ADARB2: variants seen among roughly 807,000 people sequenced by gnomAD.
ADARB2 encodes adenosine deaminase RNA specific B2 (inactive).
In ADARB2, 25 loss-of-function variants were observed where a neutral mutation model predicts 62.2. That is an observed-to-expected ratio of 0.40 (90% CI 0.29 to 0.56). The LOEUF (loss-of-function observed/expected upper bound fraction) is 0.56. ADARB2 is among the 20% of genes least tolerant of loss of function. The probability of loss-of-function intolerance (pLI) is 0.43; values close to 1 mark genes in which losing one functional copy is unlikely to be tolerated. For synonymous variants in ADARB2, 572 were observed against 500.8 expected, an observed-to-expected ratio of 1.14 and a Z score of -1.90; for missense variants, 1,071 against 1,077.4, an observed-to-expected ratio of 0.99 and a Z score of 0.08.
chr10:1,345,522 C>T (rs1009474584), intron 3 of ADARB2, among the ~76,000 whole-genome samples: 1 of 152,170 alleles, frequency 6.6e-6, no homozygotes, highest in African/African-American at 2.4e-5. Context: ...GCTCAACTGA[C>T]CCCATGTCCT....
intron 8 of ADARB2, among the ~76,000 whole-genome samples, chr10:1,198,251 A>C (rs1387890240): frequency 2.0e-5 from 3 of 152,204 alleles, no homozygotes; most frequent in African/African-American, 7.2e-5. Flanking sequence ...ATTTAGCCAT[A>C]TCTAAATTGC....
chr10:1,407,603 C>G (rs1359358672), intron 1 of ADARB2, among the ~76,000 whole-genome samples: 1 of 152,194 alleles, frequency 6.6e-6, no homozygotes, highest in East Asian at 1.9e-4. Flanking sequence ...GCCCAGGAGT[C>G]CCGGCTGCCC....
At chr10:1,576,466 C>T (rs571262475) in intron 1 of ADARB2, among the ~76,000 whole-genome samples, 4 of 152,236 alleles carry the variant, frequency 2.6e-5, no homozygotes, top group African/African-American at 9.6e-5. Flanking sequence ...GGACTTCCTG[C>T]AAATACGGTA....
intron 4 of ADARB2, among the ~76,000 whole-genome samples, chr10:1,270,691 G>A (rs906611029): frequency 6.6e-6 from 1 of 152,204 alleles, no homozygotes. Flanking sequence ...TGGGTCCTCC[G>A]GAAGGGGCTG....
chr10:1,348,608 A>C (rs1589200363), intron 3 of ADARB2, among the ~76,000 whole-genome samples: 1 of 148,576 alleles, frequency 6.7e-6, no homozygotes, highest in Non-Finnish European at 1.5e-5. Flanking sequence ...TCCTCCTCCC[A>C]CCCCCTCTGC....
At chr10:1,262,280 CTT>C (rs1261256084) in intron 4 of ADARB2, among the ~76,000 whole-genome samples, 3 of 74,284 alleles carry the variant, frequency 4.0e-5, no homozygotes, top group Non-Finnish European at 8.2e-5. Flanking sequence ...TACCCTAAAA[CTT>C]AAAGTATAAT....
At position 1,184,964 on chromosome 10, in the gene ADARB2, T is replaced by C. The variant is rs773601670; in HGVS notation, c.1940A>G (p.Asp647Gly). ...FSMNWVVGSA[D>G]LEIINATTGR... ...AGTGGTGGCGTTGATAATCTCCAGG[T>C]CCGCGCTGCCCACGACCCAGTTCAT... Residue 647 changes from aspartate to glycine, a missense_variant, in exon 9 of 10, where the codon GAC (aspartate) becomes GGC (glycine). By Grantham distance (94) the Asp-to-Gly change is moderately conservative (BLOSUM62 -1). Coordinates refer to ENST00000381312, the MANE Select transcript of ADARB2 (RefSeq NM_018702.4). 3 of 1,613,710 alleles carry C rather than the reference T, an allele frequency of 1.9e-6. No individual in the cohort carries two copies. Among genetic ancestry groups the C allele is most frequent in the Admixed American group, 3.3e-5 (2 of 60,000 alleles).
chr10:1,579,526 C>T (rs1173635579), intron 1 of ADARB2, among the ~76,000 whole-genome samples: 1 of 152,142 alleles, frequency 6.6e-6, no homozygotes, highest in Non-Finnish European at 1.5e-5. Flanking sequence ...AAAGCGATCC[C>T]TTTCTGATTT....
At chr10:1,283,689 G>A (rs1198254990) in intron 3 of ADARB2, among the ~76,000 whole-genome samples, 1 of 152,210 alleles carries the variant, frequency 6.6e-6, no homozygotes, top group African/African-American at 2.4e-5. Context: ...GCAGTGGAGT[G>A]TTGTCCATCA....
At chr10:1,276,300 G>A (rs564686183) in intron 3 of ADARB2, among the ~76,000 whole-genome samples, 2 of 152,258 alleles carry the variant, frequency 1.3e-5, no homozygotes, top group African/African-American at 4.8e-5. Flanking sequence ...CTGCATAAAT[G>A]TCTTCTTTTG....
intron 1 of ADARB2, among the ~76,000 whole-genome samples, chr10:1,712,305 A>G (rs1035288969): frequency 6.6e-6 from 1 of 152,224 alleles, no homozygotes; most frequent in Non-Finnish European, 1.5e-5. Context: ...GCAACAGTTT[A>G]TTATGTAAAA....
In ADARB2 at chr10:1,421,825, C is replaced by T. The variant is rs77232307; in HGVS notation, c.101-42665G>A. Among the ~76,000 whole-genome samples the T allele has an allele frequency of 1.5e-3, 230 of 152,306 alleles. 5 individuals carry two copies. The East Asian group carries it at 0.021, about 14-fold the overall frequency. On this transcript the variant is annotated intron_variant, in intron 1 of 9. Coordinates refer to ENST00000381312, the MANE Select transcript of ADARB2 (RefSeq NM_018702.4). The stretch of plus-strand genomic sequence containing the variant: ...AAATCCAGTTAGAACACTCGGAGAG[C>T]TCCTAGACTGAAACAGGGAGAAGGA...
chr10:1,463,116 G>A (rs1426211110), intron 1 of ADARB2, among the ~76,000 whole-genome samples: 2 of 152,268 alleles, frequency 1.3e-5, no homozygotes, highest in East Asian at 1.9e-4. Flanking sequence ...GGGTTTGTGG[G>A]CCATTGAGAA....
At chr10:1,204,555 G>A (rs1837025595) in intron 7 of ADARB2, among the ~76,000 whole-genome samples, 1 of 152,228 alleles carries the variant, frequency 6.6e-6, no homozygotes, top group Non-Finnish European at 1.5e-5. Flanking sequence ...TCAGGGCCAG[G>A]AGGCCACAGC....
At chr10:1,553,019 C>A (rs894079956) in intron 1 of ADARB2, among the ~76,000 whole-genome samples, 1 of 152,202 alleles carries the variant, frequency 6.6e-6, no homozygotes, top group Non-Finnish European at 1.5e-5. Flanking sequence ...GTGGGAACAT[C>A]CTGGGACATG....
Position 1,595,099 on chromosome 10 carries a change from T to C in ADARB2, c.100+141952A>G, listed in dbSNP as rs573450829. ...GGTGGCACCTGGGGCGTGGCCTGAA[T>C]GTCATACGGAAGCTGAGGCTTGGGA... On this transcript the variant is annotated intron_variant, in intron 1 of 9. Coordinates refer to ENST00000381312, the MANE Select transcript of ADARB2 (RefSeq NM_018702.4). 7.9e-5 allele frequency among the ~76,000 whole-genome samples: 12 copies of C among 152,250 alleles called. No homozygotes were observed. In the South Asian group the frequency reaches 2.5e-3, roughly 32 times the overall value.
intron 6 of ADARB2, among the ~76,000 whole-genome samples, chr10:1,228,258 C>A (rs1830765938): frequency 6.6e-6 from 1 of 152,154 alleles, no homozygotes; most frequent in Non-Finnish European, 1.5e-5. Flanking sequence ...CTGCTAAGTT[C>A]TCAGAAAATG....
At chr10:1,199,682 C>T (rs79591864) in intron 8 of ADARB2, 5,615 of 369,792 alleles carry the variant, frequency 0.015, 307 homozygotes, top group African/African-American at 0.11. Context: ...TGGGTGAGCC[C>T]AACACTAGTG....
At chr10:1,346,578 A>C (rs1832083027) in intron 3 of ADARB2, among the ~76,000 whole-genome samples, 2 of 152,262 alleles carry the variant, frequency 1.3e-5, no homozygotes, top group Admixed American at 6.5e-5. Flanking sequence ...GATGTGGCAT[A>C]TTTAAACAGA....
Sources: allele counts gnomAD v4.1 joint callset (sites outside exome capture counted in the v4.1 genomes callset), GRCh38; gene constraint gnomAD v4.1.1; transcripts MANE v1.5; gene names NCBI Gene and HGNC (gene_info 2026-07-23, HGNC 2026-07-21).